The following RGS6 variants were observed in gnomAD, a reference collection of about 807,000 sequenced individuals.
The protein encoded by RGS6 is regulator of G-protein signaling 6.
A neutral mutation model predicts 78.5 loss-of-function variants in RGS6; 30 were observed. That is an observed-to-expected ratio of 0.38 (90% confidence interval 0.29 to 0.52). RGS6 has a LOEUF of 0.52. Ranked by LOEUF, RGS6 falls within the 20% of genes least tolerant of loss-of-function variation. The probability of loss-of-function intolerance (pLI) is 0.85; values close to 1 mark genes in which losing one functional copy is unlikely to be tolerated. For missense variants in RGS6, 495 were observed against 609.7 expected (o/e 0.81, Z 1.98); for synonymous variants, 206 against 206.0 (o/e 1.00, Z 0.00).
intron 2 of RGS6, among the ~76,000 whole-genome samples, chr14:72,174,741 C>T (rs1232359177): frequency 6.6e-6 from 1 of 152,144 alleles, no homozygotes; most frequent in Non-Finnish European, 1.5e-5. Flanking sequence ...AGGGATATGG[C>T]TTCGGGTGAC....
At chr14:72,283,838 T>C (rs1281867512) in intron 2 of RGS6, among the ~76,000 whole-genome samples, 2 of 152,004 alleles carry the variant, frequency 1.3e-5, no homozygotes, top group African/African-American at 4.8e-5. Flanking sequence ...GACAGGAAAA[T>C]GTGGGAAAGT....
chr14:72,406,246 C>T (rs777719466), intron 3 of RGS6, among the ~76,000 whole-genome samples: 5 of 152,130 alleles, frequency 3.3e-5, no homozygotes, highest in Admixed American at 6.5e-5. Flanking sequence ...CAGCCGGGCG[C>T]AGTGGCACAC....
the RGS6 span, among the ~76,000 whole-genome samples, chr14:72,621,958 G>A: frequency 5.3e-5 from 8 of 152,224 alleles, no homozygotes; most frequent in Non-Finnish European, 7.3e-5. Flanking sequence ...GGATGACCTG[G>A]AGGCTGTTGA....
At chr14:71,886,982 T>G in the RGS6 span, among the ~76,000 whole-genome samples, 5 of 152,068 alleles carry the variant, frequency 3.3e-5, no homozygotes, top group African/African-American at 1.2e-4. Context: ...AAACCCCATC[T>G]CTACTAAAAA....
chr14:71,967,427 A>C (rs563641889), intron 2 of RGS6, among the ~76,000 whole-genome samples: 1 of 152,232 alleles, frequency 6.6e-6, no homozygotes, highest in East Asian at 1.9e-4. Context: ...TTTGGCTACA[A>C]CCAAGAACTT....
At chr14:72,158,812 G>C (rs768627676) in intron 2 of RGS6, among the ~76,000 whole-genome samples, 22 of 152,214 alleles carry the variant, frequency 1.4e-4, no homozygotes, top group South Asian at 2.1e-4. Context: ...ACATAGAGCA[G>C]CCTATTTAGA....
At chr14:72,522,930 T>G (rs1280164065) in intron 15 of RGS6, among the ~76,000 whole-genome samples, 1 of 152,202 alleles carries the variant, frequency 6.6e-6, no homozygotes, top group African/African-American at 2.4e-5. Context: ...TAGAGGAGAC[T>G]TGGTTTTGAC....
intron 3 of RGS6, among the ~76,000 whole-genome samples, chr14:72,403,940 T>C (rs2092694285): frequency 6.6e-6 from 1 of 152,132 alleles, no homozygotes; most frequent in South Asian, 2.1e-4. Context: ...TTACTGAAAT[T>C]AAAAGGAATG....
chr14:72,555,359 C>T (rs544567060), intron 17 of RGS6, among the ~76,000 whole-genome samples: 3 of 152,336 alleles, frequency 2.0e-5, no homozygotes, highest in African/African-American at 4.8e-5. Flanking sequence ...ACCAAAAGCC[C>T]CTTTTGCCAG....
chr14:72,397,694 C>G (rs368528180), intron 3 of RGS6, among the ~76,000 whole-genome samples: 31 of 152,082 alleles, frequency 2.0e-4, no homozygotes, highest in African/African-American at 2.4e-4. Flanking sequence ...GTTTGTCATA[C>G]ATAGCTCTTA....
chr14:72,473,989 A>G (rs1049364316), intron 9 of RGS6: 3 of 152,256 alleles, frequency 2.0e-5, no homozygotes, highest in Admixed American at 6.5e-5. Flanking sequence ...AGTTGGCACT[A>G]AATTAGCCCT....
At chr14:71,910,769 A>C in the RGS6 span, among the ~76,000 whole-genome samples, 1 of 152,230 alleles carries the variant, frequency 6.6e-6, no homozygotes, top group Admixed American at 6.5e-5. Context: ...AAGATGCCCA[A>C]ATTTCCAGCT....
chr14:72,466,464 C>T (rs1017992734), intron 7 of RGS6, among the ~76,000 whole-genome samples: 1 of 152,170 alleles, frequency 6.6e-6, no homozygotes, highest in African/African-American at 2.4e-5. Context: ...CTGTGATAAC[C>T]AAAAGCTGAA....
rs1400506078 is a variant in RGS6, at chr14:72,458,297, A to G, written c.262A>G (p.Ile88Val). The G allele has an allele frequency of 6.2e-7, 1 of 1,613,946 alleles. No individual in the cohort carries two copies. Among genetic ancestry groups the G allele is most frequent in the Non-Finnish European group, 8.5e-7 (1 of 1,179,960 alleles). ...TGAAGCAATACACTTGGGGAGCCTT[A>G]TCGCTGCCCAGGGCTACATCTTTCC... is the stretch of plus-strand genomic sequence containing the variant. ...PVEAIHLGSL[I>V]AAQGYIFPIS... Residue 88 changes from isoleucine (I) to valine (V), a missense_variant, in exon 5 of 18, where the codon ATC becomes GTC. Ile to Val is a conservative substitution (Grantham distance 29, BLOSUM62 3). Coordinates refer to ENST00000553525, the MANE Select transcript of RGS6 (RefSeq NM_001204424.2).
At chr14:72,601,549 T>C in the RGS6 span, among the ~76,000 whole-genome samples, 13 of 152,208 alleles carry the variant, frequency 8.5e-5, no homozygotes, top group East Asian at 2.1e-3. Flanking sequence ...TAGTTAACAA[T>C]AACGTATTGT....
the RGS6 span, among the ~76,000 whole-genome samples, chr14:71,869,824 G>A: frequency 1.3e-5 from 2 of 152,290 alleles, no homozygotes; most frequent in East Asian, 3.9e-4. Flanking sequence ...ATTAGGCCAT[G>A]AGGATCCACC....
chr14:72,304,924 C>A (rs1020591431), intron 2 of RGS6, among the ~76,000 whole-genome samples: 1 of 152,106 alleles, frequency 6.6e-6, no homozygotes, highest in Non-Finnish European at 1.5e-5. Context: ...AATTGCTTTT[C>A]ATAGAATGTG....
chr14:72,364,788 C>T (rs2082159931), intron 3 of RGS6, among the ~76,000 whole-genome samples: 1 of 152,284 alleles, frequency 6.6e-6, no homozygotes, highest in Non-Finnish European at 1.5e-5. Flanking sequence ...AGACCAATGG[C>T]ACGATGATGA....
intron 2 of RGS6, among the ~76,000 whole-genome samples, chr14:72,139,905 A>G (rs1018422952): frequency 3.3e-5 from 5 of 152,150 alleles, no homozygotes; most frequent in Admixed American, 2.6e-4. Context: ...TAAAAATCAC[A>G]TGAGAAATGA....
Sources: gnomAD v4.1 joint callset for allele counts (sites outside exome capture counted in the v4.1 genomes callset) on GRCh38, gnomAD v4.1.1 for gene constraint, MANE v1.5 for transcripts, NCBI Gene and HGNC (gene_info 2026-07-23, HGNC 2026-07-21) for gene names.